The following MTPAP variants were observed in gnomAD, a reference collection of about 807,000 sequenced individuals.
The protein encoded by MTPAP is poly(A) RNA polymerase, mitochondrial.
In MTPAP, 23 loss-of-function variants were observed where a neutral mutation model predicts 48.7. The observed-to-expected ratio is 0.47, with a 90% confidence interval of 0.34 to 0.67. MTPAP has a LOEUF of 0.67. Among genes scored for constraint, MTPAP ranks in the 30% least tolerant of loss-of-function variants. The pLI is 0.01. For missense variants in MTPAP, 614 were observed against 694.3 expected (o/e 0.88, Z 1.30); for synonymous variants, 257 against 254.1 (o/e 1.01, Z -0.11).
chr10:30,320,498 G>A (rs899229065), intron 6 of MTPAP, among the ~76,000 whole-genome samples: 2 of 151,864 alleles, frequency 1.3e-5, no homozygotes, highest in South Asian at 4.2e-4. Context: ...ATCCAGACTG[G>A]GCAACAGAGC....
chr10:30,320,252 G>A (rs1012576602), intron 6 of MTPAP, among the ~76,000 whole-genome samples: 1 of 152,180 alleles, frequency 6.6e-6, no homozygotes, highest in African/African-American at 2.4e-5. Flanking sequence ...ACAAGGTAGA[G>A]CACAGTGGCT....
intron 2 of MTPAP, among the ~76,000 whole-genome samples, chr10:30,340,990 G>A (rs1834798365): frequency 6.6e-6 from 1 of 151,606 alleles, no homozygotes; most frequent in Non-Finnish European, 1.5e-5. Flanking sequence ...GAATGATGAA[G>A]CAGAAAAATC....
intron 4 of MTPAP, among the ~76,000 whole-genome samples, chr10:30,327,128 G>A (rs1834606380): frequency 6.6e-6 from 1 of 152,006 alleles, no homozygotes; most frequent in Non-Finnish European, 1.5e-5. Context: ...AAATTACTAG[G>A]GGAAAATTCC....
chr10:30,347,185 A>G (rs991700743), intron 1 of MTPAP, among the ~76,000 whole-genome samples: 1 of 152,204 alleles, frequency 6.6e-6, no homozygotes, highest in Non-Finnish European at 1.5e-5. Flanking sequence ...ACTAACATGA[A>G]ACCTATGTCA....
At chr10:30,314,041 C>G in intron 8 of MTPAP, 70 bp from the exon 9 acceptor site, 1 of 1,509,834 alleles carries the variant, frequency 6.6e-7, no homozygotes, top group Admixed American at 1.7e-5. Context: ...ACAGTTAACT[C>G]AATAAAATGT....
At chr10:30,331,934 A>T (rs1171377874) in intron 4 of MTPAP, among the ~76,000 whole-genome samples, 1 of 152,228 alleles carries the variant, frequency 6.6e-6, no homozygotes, top group Non-Finnish European at 1.5e-5. Flanking sequence ...TATCATACAT[A>T]GTGCCATAAG....
At position 30,326,308 on chromosome 10, in the gene MTPAP, A is replaced by T. The variant is rs899879125; in HGVS notation, c.992+116T>A. On this transcript the variant is annotated intron_variant, in intron 5 of 8. Coordinates refer to ENST00000263063, the MANE Select transcript of MTPAP (RefSeq NM_018109.4). ...TTTTCAATCCAAGTGATAAATTTTT[A>T]AAAAATTATTATTCAAGCATGTTTA... The T allele has an allele frequency of 8.2e-6, 8 of 970,424 alleles. No homozygotes were observed. In the Admixed American group the frequency reaches 8.4e-5, roughly 10 times the overall value. The allele number at this position is 970,424 out of a possible 1,614,324, so 60.1% of individuals were successfully genotyped here.
At chr10:30,327,063 G>C (rs899293512) in intron 4 of MTPAP, among the ~76,000 whole-genome samples, 4 of 152,110 alleles carry the variant, frequency 2.6e-5, no homozygotes, top group South Asian at 2.1e-4. Flanking sequence ...GTAGAAGAAA[G>C]AAGACTAGAT....
intron 6 of MTPAP, among the ~76,000 whole-genome samples, chr10:30,318,783 A>G (rs1588712381): frequency 6.6e-6 from 1 of 152,346 alleles, no homozygotes; most frequent in South Asian, 2.1e-4. Context: ...AACTCCTACT[A>G]TGAACCCAAT....
chr10:30,340,377 C>T lies in MTPAP; in HGVS notation c.404G>A (p.Ser135Asn). The T allele has an allele frequency of 6.2e-7, 1 of 1,614,180 alleles. No individual in the cohort carries two copies. Among genetic ancestry groups the T allele is most frequent in the Non-Finnish European group, 8.5e-7 (1 of 1,180,032 alleles). Residue 135 changes from serine (S) to asparagine (N), a missense_variant, in exon 3 of 9, where the codon AGC becomes AAC. Transcript: ENST00000263063. ...GSLQNGTHTP[S>N]TAMETAIPFR... ...TGGAATTGCAGTCTCCATGGCCGTGCTTGGAGTATGAGTCCCATTCTGCAG... is the reference window on the plus strand; with the variant it reads ...TGGAATTGCAGTCTCCATGGCCGTGTTTGGAGTATGAGTCCCATTCTGCAG...
At chr10:30,318,228 T>C (rs559753105) in intron 6 of MTPAP, among the ~76,000 whole-genome samples, 44 of 152,260 alleles carry the variant, frequency 2.9e-4, no homozygotes, top group Middle Eastern at 6.8e-3. Flanking sequence ...TTATCTCCCA[T>C]TTTTTGTGTT....
At chr10:30,320,442 A>G (rs532121743) in intron 6 of MTPAP, among the ~76,000 whole-genome samples, 2 of 152,168 alleles carry the variant, frequency 1.3e-5, no homozygotes, top group African/African-American at 4.8e-5. Flanking sequence ...AGATTACGTG[A>G]GCCCGGGAGG....
intron 3 of MTPAP, among the ~76,000 whole-genome samples, chr10:30,339,480 CAAAA>C (rs34169013): frequency 2.2e-5 from 2 of 92,298 alleles, no homozygotes; most frequent in Admixed American, 1.2e-4. Context: ...GACTCCATCT[CAAAA>C]AAAAAAAAAA....
At chr10:30,320,037 G>A (rs796754401) in intron 6 of MTPAP, among the ~76,000 whole-genome samples, 4 of 152,236 alleles carry the variant, frequency 2.6e-5, no homozygotes, top group African/African-American at 7.2e-5. Flanking sequence ...GAGAAGGATC[G>A]CTTGAGCCTA....
chr10:30,318,134 C>A (rs1394882509), intron 6 of MTPAP, among the ~76,000 whole-genome samples: 1 of 152,208 alleles, frequency 6.6e-6, no homozygotes, highest in African/African-American at 2.4e-5. Context: ...GCTAGGATTA[C>A]AGGCGTGAGC....
intron 4 of MTPAP, among the ~76,000 whole-genome samples, chr10:30,329,739 G>C (rs1313943377): frequency 6.6e-6 from 1 of 151,956 alleles, no homozygotes; most frequent in African/African-American, 2.4e-5. Context: ...TAGTGGTCCA[G>C]TGCCTAGGAT....
At position 30,312,206 on chromosome 10, in the gene MTPAP, A is replaced by T. The variant is rs994155840; in HGVS notation, c.*1403T>A. The stretch of plus-strand genomic sequence containing the variant: ...TAATGGAAATTAAATTTCAATATAC[A>T]GTTGCCCATTGAACAACATGGGTTT... On this transcript the variant is annotated 3_prime_UTR_variant, in exon 9 of 9. Transcript: ENST00000263063. 4 of 152,226 alleles carry T rather than the reference A, an allele frequency of 2.6e-5. No individual in the cohort carries two copies. The highest frequency in any genetic ancestry group is 9.6e-5 in the African/African-American group (4 of 41,454). 9.4% of individuals were successfully genotyped at this position (152,226 alleles called of 1,614,324 possible). A position where few individuals can be genotyped will look rare whatever the true frequency, so the allele number is the denominator to read the frequency against.
intron 1 of MTPAP, among the ~76,000 whole-genome samples, chr10:30,342,069 G>A (rs945064355): frequency 2.0e-5 from 3 of 151,956 alleles, no homozygotes; most frequent in Non-Finnish European, 4.4e-5. Flanking sequence ...AACCTCATCT[G>A]TACTAAAAAT....
rs572345209 is a variant in MTPAP, at chr10:30,326,491, G to A, written c.925C>T (p.Arg309Trp). ...TGTGAGAACCTCACGAGCGGACACC[G>A]GGCATTTAATATTTTTTGCACACCC... Reference protein sequence around the residue: ...CVGVQKILNARCPLVRFSHQA... With the variant: ...CVGVQKILNAWCPLVRFSHQA... Residue 309 changes from arginine (R) to tryptophan (W), a missense_variant, in exon 5 of 9, where the codon CGG (arginine) becomes TGG (tryptophan). By Grantham distance (101) the Arg-to-Trp change is moderately radical. Transcript: ENST00000263063. The A allele has an allele frequency of 2.9e-5, 47 of 1,614,062 alleles. No individual in the cohort carries two copies. Among genetic ancestry groups the A allele is most frequent in the Admixed American group, 8.3e-5 (5 of 59,988 alleles).
Sources: allele counts gnomAD v4.1 joint callset (sites outside exome capture counted in the v4.1 genomes callset), GRCh38; gene constraint gnomAD v4.1.1; transcripts MANE v1.5; gene names NCBI Gene and HGNC (gene_info 2026-07-23, HGNC 2026-07-21).